Variants in ARHGEF26 observed in about 807,000 individuals in gnomAD.
The protein encoded by ARHGEF26 is Rho guanine nucleotide exchange factor 26, also known as Rho guanine nucleotide exchange factor (GEF) 26.
Under a neutral mutation model 89.4 loss-of-function variants are expected in ARHGEF26, and 59 were observed. The ratio of observed to expected loss-of-function variants is 0.66; its 90% CI spans 0.54 to 0.82. ARHGEF26 has a LOEUF of 0.82. Among genes scored for constraint, ARHGEF26 ranks in the 40% least tolerant of loss-of-function variants. The pLI is 0.00. For missense variants in ARHGEF26, 1,234 were observed against 1,085.6 expected (o/e 1.14, Z -1.92); for synonymous variants, 500 against 428.4 (o/e 1.17, Z -2.06).
chr3:154,161,099 TTTGTGTGTGTG>T (rs1318329224), intron 6 of ARHGEF26, among the ~76,000 whole-genome samples: 1,632 of 146,810 alleles, frequency 0.011, 16 homozygotes, highest in South Asian at 0.027. Context: ...GGTAGCCAGG[TTTGTGTGTGTG>T]TGTGTGTGTG....
At chr3:154,255,221 C>T (rs1024556426) in intron 14 of ARHGEF26, 110 bp from the exon 15 acceptor site, 5 of 1,146,372 alleles carry the variant, frequency 4.4e-6, no homozygotes, top group Admixed American at 4.5e-5. Context: ...CTCTTCTCAC[C>T]GTAGCACTTA....
At chr3:154,184,003 C>T (rs1295774402) in intron 6 of ARHGEF26, among the ~76,000 whole-genome samples, 3 of 145,218 alleles carry the variant, frequency 2.1e-5, no homozygotes, top group Non-Finnish European at 3.0e-5. Context: ...GACGGAGTCT[C>T]GCTCTGTCGC....
intron 6 of ARHGEF26, among the ~76,000 whole-genome samples, chr3:154,161,506 C>T (rs1239674227): frequency 6.6e-6 from 1 of 152,132 alleles, no homozygotes; most frequent in Non-Finnish European, 1.5e-5. Context: ...GATGTTATTA[C>T]TAAATGATTT....
chr3:154,153,302 C>A (rs566478758), intron 6 of ARHGEF26, among the ~76,000 whole-genome samples: 1 of 151,898 alleles, frequency 6.6e-6, no homozygotes, highest in South Asian at 2.1e-4. Flanking sequence ...TATCTGGCTA[C>A]GATTTAATAA....
intron 12 of ARHGEF26, 67 bp from the exon 13 acceptor site, chr3:154,253,049 C>G (rs1231706776): frequency 1.3e-6 from 2 of 1,578,386 alleles, no homozygotes; most frequent in Non-Finnish European, 1.7e-6. Flanking sequence ...CATTGGCTGC[C>G]TAGAAAACAC....
At chr3:154,163,559 T>G (rs1433022379) in intron 6 of ARHGEF26, among the ~76,000 whole-genome samples, 3 of 152,156 alleles carry the variant, frequency 2.0e-5, no homozygotes, top group Non-Finnish European at 2.9e-5. Context: ...TCTGGAAAAT[T>G]ATTTGAACTT....
intron 9 of ARHGEF26, among the ~76,000 whole-genome samples, chr3:154,216,637 A>C (rs1576791142): frequency 1.7e-5 from 2 of 118,548 alleles, no homozygotes; most frequent in Non-Finnish European, 3.5e-5. Flanking sequence ...GCACCCACTA[A>C]CTCGTCATCT....
chr3:154,124,796 A>G (rs1718228099), intron 3 of ARHGEF26, among the ~76,000 whole-genome samples: 1 of 152,124 alleles, frequency 6.6e-6, no homozygotes, highest in South Asian at 2.1e-4. Flanking sequence ...ATCTGAAGTC[A>G]TATTTCTTTA....
chr3:154,138,002 T>C (rs1719121890), intron 4 of ARHGEF26, among the ~76,000 whole-genome samples: 1 of 152,182 alleles, frequency 6.6e-6, no homozygotes, highest in Non-Finnish European at 1.5e-5. Context: ...AGATTACCCA[T>C]ATTTATGTAA....
intron 14 of ARHGEF26, among the ~76,000 whole-genome samples, 159 bp downstream of exon 14, chr3:154,254,983 C>G (rs1171160286): frequency 6.6e-6 from 1 of 152,080 alleles, no homozygotes; most frequent in African/African-American, 2.4e-5. Flanking sequence ...TAAGGCTAAA[C>G]CATGACGTTT....
chr3:154,234,650 G>A (rs564527578), intron 11 of ARHGEF26, among the ~76,000 whole-genome samples: 1 of 152,270 alleles, frequency 6.6e-6, no homozygotes, highest in African/African-American at 2.4e-5. Flanking sequence ...AGACATGTCT[G>A]TGTCAACTCG....
intron 11 of ARHGEF26, among the ~76,000 whole-genome samples, chr3:154,236,577 A>G (rs1307678857): frequency 6.6e-6 from 1 of 152,222 alleles, no homozygotes; most frequent in Non-Finnish European, 1.5e-5. Context: ...GATAGAGACA[A>G]ACATGGGGAA....
At chr3:154,123,742 G>T (rs1026754167) in intron 2 of ARHGEF26, among the ~76,000 whole-genome samples, 10 of 152,252 alleles carry the variant, frequency 6.6e-5, no homozygotes, top group African/African-American at 2.4e-4. Flanking sequence ...CAGATTGGCA[G>T]CTGAAAACTT....
intron 8 of ARHGEF26, among the ~76,000 whole-genome samples, chr3:154,192,800 TTTC>T (rs1714032952): frequency 6.6e-6 from 1 of 152,156 alleles, no homozygotes; most frequent in Non-Finnish European, 1.5e-5. Flanking sequence ...TTTTCAGGGT[TTTC>T]TTCTTCTGAA....
intron 9 of ARHGEF26, among the ~76,000 whole-genome samples, chr3:154,200,651 A>T (rs546727067): frequency 5.9e-4 from 90 of 151,794 alleles, no homozygotes; most frequent in African/African-American, 2.1e-3. Context: ...TTTGGGTAGT[A>T]TGGACTTTTT....
intron 6 of ARHGEF26, among the ~76,000 whole-genome samples, chr3:154,176,668 C>T (rs1185679055): frequency 3.9e-5 from 6 of 152,020 alleles, no homozygotes; most frequent in Admixed American, 1.3e-4. Context: ...TTTACGTAGA[C>T]GGTGTTGTAT....
chr3:154,152,634 A>T, intron 5 of ARHGEF26, 138 bp from the exon 6 acceptor site: 1 of 537,218 alleles, frequency 1.9e-6, no homozygotes, highest in Non-Finnish European at 3.0e-6. Context: ...TTGTTTCTTT[A>T]ATGTTCTTTT....
At chr3:154,211,017 C>T (rs1715330392) in intron 9 of ARHGEF26, among the ~76,000 whole-genome samples, 2 of 151,770 alleles carry the variant, frequency 1.3e-5, no homozygotes, top group Admixed American at 6.6e-5. Flanking sequence ...ATTACCCTCT[C>T]CCACTGTGGC....
At chr3:154,175,398 T>G (rs1336987934) in intron 6 of ARHGEF26, among the ~76,000 whole-genome samples, 1 of 151,804 alleles carries the variant, frequency 6.6e-6, no homozygotes, top group Non-Finnish European at 1.5e-5. Flanking sequence ...AATGCTTCCC[T>G]CTTCTTTTTC....
Sources: gnomAD v4.1 joint callset for allele counts (sites outside exome capture counted in the v4.1 genomes callset) on GRCh38, gnomAD v4.1.1 for gene constraint, MANE v1.5 for transcripts, NCBI Gene and HGNC (gene_info 2026-07-23, HGNC 2026-07-21) for gene names.